The following PPFIBP1 variants were observed in gnomAD, a reference collection of about 807,000 sequenced individuals.
PPFIBP1 encodes liprin-beta-1.
A neutral mutation model predicts 137.8 loss-of-function variants in PPFIBP1; 112 were observed. That is an observed-to-expected ratio of 0.81 (90% CI 0.70 to 0.95). PPFIBP1 has a LOEUF of 0.95. Ranked by LOEUF, PPFIBP1 falls within the 40% of genes least tolerant of loss-of-function variation. PPFIBP1 has a pLI of 0.00. For missense variants in PPFIBP1, 1,083 were observed against 1,196.6 expected, an observed-to-expected ratio of 0.91 and a Z score of 1.40; for synonymous variants, 378 against 417.3, an observed-to-expected ratio of 0.91 and a Z score of 1.15.
intron 7 of PPFIBP1, 144 bp downstream of exon 7, chr12:27,650,285 C>T (rs2058797427): frequency 5.6e-6 from 3 of 539,442 alleles, no homozygotes; most frequent in South Asian, 1.5e-4. Context: ...CATCATCCTA[C>T]TTCATTTTAA....
intron 2 of PPFIBP1, chr12:27,599,629 T>C (rs1216841987): frequency 2.9e-6 from 1 of 340,870 alleles, no homozygotes; most frequent in African/African-American, 2.2e-5. Flanking sequence ...TAGACTAATA[T>C]AGCTATTTAT....
rs936230398 is a variant in PPFIBP1 at position 27,650,185 on chromosome 12, CTCTG to C, written c.603+48_603+51del. 4.0e-6 allele frequency: 6 copies of C among 1,509,788 alleles called. No homozygotes were observed. The Admixed American group carries it at 8.9e-5, about 22-fold the overall frequency. 93.5% of individuals were successfully genotyped at this position (1,509,788 alleles called of 1,614,324 possible). On this transcript the variant is annotated intron_variant, in intron 7 of 29. Transcript: ENST00000228425. ...CCTCCCTCTCTCTCTCTCTCTGTCA[CTCTG>C]TCTTTGTCTCTGACACACATACATT...
chr12:27,677,213 T>C, intron 19 of PPFIBP1, 117 bp downstream of exon 19: 1 of 1,289,048 alleles, frequency 7.8e-7, no homozygotes, highest in African/African-American at 1.5e-5. Context: ...AAAATGTAGT[T>C]CTCTATTCCG....
chr12:27,592,434 T>G, intron 2 of PPFIBP1: 1 of 804,030 alleles, frequency 1.2e-6, no homozygotes, highest in Middle Eastern at 2.7e-4. Flanking sequence ...TATTTTCAAC[T>G]TTCCAAAAAG....
intron 2 of PPFIBP1, chr12:27,593,791 A>G: frequency 9.9e-7 from 1 of 1,009,954 alleles, no homozygotes; most frequent in Non-Finnish European, 1.4e-6. Flanking sequence ...TTCAGTTTGC[A>G]AAACTGTCTG....
rs555641654 is a variant in PPFIBP1 at position 27,581,194 on chromosome 12, T to G, written c.-36+2955T>G. On this transcript the variant is annotated intron_variant, in intron 2 of 29. Coordinates refer to ENST00000228425, the MANE Select transcript of PPFIBP1 (RefSeq NM_003622.4). Reference sequence around the variant, plus strand: ...ATAAGCGTGAGCCACTGCTCCCAGCTGTACCTTCAGTCTTAGGTGTTCTGG... The same window carrying G: ...ATAAGCGTGAGCCACTGCTCCCAGCGGTACCTTCAGTCTTAGGTGTTCTGG... 2.0e-4 allele frequency among the ~76,000 whole-genome samples: 31 copies of G among 152,332 alleles called. No homozygotes were observed. In the South Asian group the frequency reaches 3.5e-3, roughly 17 times the overall value.
chr12:27,556,465 T>A (rs1169480933), intron 1 of PPFIBP1, among the ~76,000 whole-genome samples: 1 of 152,214 alleles, frequency 6.6e-6, no homozygotes, highest in Non-Finnish European at 1.5e-5. Flanking sequence ...TGTTGTGGAC[T>A]TAGCTTGCGT....
chr12:27,664,548 C>A, intron 12 of PPFIBP1, 102 bp downstream of exon 12: 1 of 761,762 alleles, frequency 1.3e-6, no homozygotes. Context: ...ACCCATTGTC[C>A]CAAATTAGGT....
intron 2 of PPFIBP1, among the ~76,000 whole-genome samples, chr12:27,588,966 G>A (rs1592667606): frequency 2.0e-5 from 3 of 152,114 alleles, no homozygotes; most frequent in African/African-American, 7.2e-5. Context: ...GCTCATGACT[G>A]GCTCCCTCAG....
At chr12:27,539,784 A>T (rs145095723) in intron 1 of PPFIBP1, among the ~76,000 whole-genome samples, 7 of 152,024 alleles carry the variant, frequency 4.6e-5, no homozygotes, top group African/African-American at 1.7e-4. Context: ...AGACACAGTT[A>T]AAAAAAAGGC....
At chr12:27,567,555 G>T (rs2049788370) in intron 1 of PPFIBP1, among the ~76,000 whole-genome samples, 1 of 152,186 alleles carries the variant, frequency 6.6e-6, no homozygotes, top group Admixed American at 6.5e-5. Flanking sequence ...TAATATGGGA[G>T]TGTGGGTGGT....
intron 2 of PPFIBP1, among the ~76,000 whole-genome samples, chr12:27,622,863 A>G (rs2056464217): frequency 6.6e-6 from 1 of 152,204 alleles, no homozygotes; most frequent in African/African-American, 2.4e-5. Flanking sequence ...TTTGTTGTCT[A>G]TTTAATAAAA....
At chr12:27,610,082 T>C (rs1339807435) in intron 2 of PPFIBP1, among the ~76,000 whole-genome samples, 2 of 152,128 alleles carry the variant, frequency 1.3e-5, no homozygotes, top group Admixed American at 1.3e-4. Context: ...CAGGGTGAGG[T>C]ACTCTGTGAA....
chr12:27,690,341 A>G (rs1326225175), intron 27 of PPFIBP1, among the ~76,000 whole-genome samples: 1 of 152,204 alleles, frequency 6.6e-6, no homozygotes, highest in East Asian at 1.9e-4. Context: ...CTGAGTATAT[A>G]TCTTTTAAAA....
intron 2 of PPFIBP1, 122 bp from the exon 3 acceptor site, chr12:27,633,240 C>T (rs1386721020): frequency 3.0e-6 from 2 of 657,334 alleles, no homozygotes; most frequent in African/African-American, 1.8e-5. Context: ...TGCTACTCCA[C>T]TACTGAAGTT....
chr12:27,568,090 A>G (rs1246308485), intron 1 of PPFIBP1, among the ~76,000 whole-genome samples: 3 of 152,098 alleles, frequency 2.0e-5, no homozygotes, highest in Non-Finnish European at 4.4e-5. Context: ...CTTTAATCTA[A>G]CTCATCTTTC....
intron 2 of PPFIBP1, among the ~76,000 whole-genome samples, chr12:27,622,492 G>C (rs907346820): frequency 7.9e-5 from 12 of 152,320 alleles, no homozygotes; most frequent in Admixed American, 4.6e-4. Flanking sequence ...TTGTGCACCA[G>C]CTCCAGTCCA....
chr12:27,563,785 T>C (rs1158493518), intron 1 of PPFIBP1, among the ~76,000 whole-genome samples: 1 of 152,142 alleles, frequency 6.6e-6, no homozygotes. Flanking sequence ...ATGTGGGGTT[T>C]TTTTGTTTTT....
chr12:27,660,380 G>A (rs1299825454), intron 10 of PPFIBP1, among the ~76,000 whole-genome samples: 5 of 152,230 alleles, frequency 3.3e-5, no homozygotes, highest in African/African-American at 7.2e-5. Flanking sequence ...TTATCCTTAC[G>A]TATGGAACTA....
Sources: allele counts gnomAD v4.1 joint callset (sites outside exome capture counted in the v4.1 genomes callset), GRCh38; gene constraint gnomAD v4.1.1; transcripts MANE v1.5; gene names NCBI Gene and HGNC (gene_info 2026-07-23, HGNC 2026-07-21).